Variants in PPP1R9A observed in about 807,000 individuals in gnomAD.
The protein encoded by PPP1R9A is neurabin-1.
Under a neutral mutation model 141.9 loss-of-function variants are expected in PPP1R9A, and 59 were observed. That is an observed-to-expected ratio of 0.42 (90% CI 0.34 to 0.52). The LOEUF is 0.52. Ranked by LOEUF, PPP1R9A falls within the 20% of genes least tolerant of loss-of-function variation. PPP1R9A has a pLI of 0.10. For synonymous variants in PPP1R9A, 500 were observed against 569.7 expected (o/e 0.88, Z 1.74); for missense variants, 1,444 against 1,611.9 (o/e 0.90, Z 1.78).
intron 2 of PPP1R9A, among the ~76,000 whole-genome samples, chr7:94,926,787 T>A (rs1793538515): frequency 6.6e-6 from 1 of 152,202 alleles, no homozygotes; most frequent in Non-Finnish European, 1.5e-5. Flanking sequence ...AGCTAAGTTA[T>A]AATTTTGTAA....
intron 2 of PPP1R9A, among the ~76,000 whole-genome samples, chr7:95,057,224 T>C (rs963971041): frequency 2.0e-5 from 3 of 152,044 alleles, no homozygotes; most frequent in African/African-American, 7.2e-5. Flanking sequence ...TCAAATACTG[T>C]ATCATTCAAC....
At chr7:95,123,513 G>A (rs1822999772) in intron 4 of PPP1R9A, among the ~76,000 whole-genome samples, 1 of 152,182 alleles carries the variant, frequency 6.6e-6, no homozygotes, top group Admixed American at 6.5e-5. Context: ...GCTGGGCGTG[G>A]TAGTGGGCGC....
At position 95,290,138 on chromosome 7, in the gene PPP1R9A, A is replaced by C; in HGVS notation, c.3960A>C (p.Lys1320Asn). The C allele has an allele frequency of 6.2e-7, 1 of 1,614,078 alleles. No individual in the cohort carries two copies. Residue 1320 changes from lysine to asparagine, a missense_variant, in exon 20 of 20, where the codon AAA (lysine) becomes AAC (asparagine). Transcript: ENST00000433360. ...ASQDRAVVKK[K>N]LKEMKMSLEK... ...AGGACCGAGCAGTGGTCAAAAAGAAACTCAAGGAAATGAAGATGTCTCTAG... is the reference window on the plus strand; with the variant it reads ...AGGACCGAGCAGTGGTCAAAAAGAACCTCAAGGAAATGAAGATGTCTCTAG...
intron 5 of PPP1R9A, among the ~76,000 whole-genome samples, chr7:95,175,781 C>T (rs935026061): frequency 2.6e-5 from 4 of 152,016 alleles, no homozygotes; most frequent in African/African-American, 9.7e-5. Context: ...CACTTTTATC[C>T]CTAGCATATG....
chr7:95,015,916 GGTGGT>G (rs1805039211), intron 2 of PPP1R9A, among the ~76,000 whole-genome samples: 1 of 152,064 alleles, frequency 6.6e-6, no homozygotes, highest in Non-Finnish European at 1.5e-5. Flanking sequence ...GGGCAGGCAT[GGTGGT>G]GTGTGCCTGT....
At chr7:95,087,262 T>A (rs1395293734) in intron 2 of PPP1R9A, among the ~76,000 whole-genome samples, 2 of 151,998 alleles carry the variant, frequency 1.3e-5, no homozygotes, top group Non-Finnish European at 2.9e-5. Context: ...CACTCAGATG[T>A]TTACTTTTAT....
intron 2 of PPP1R9A, among the ~76,000 whole-genome samples, chr7:95,096,431 A>G (rs1021930518): frequency 1.3e-5 from 2 of 152,158 alleles, no homozygotes; most frequent in African/African-American, 4.8e-5. Context: ...TGCACAAATG[A>G]CTGGCCCCCC....
intron 2 of PPP1R9A, among the ~76,000 whole-genome samples, chr7:94,942,803 CAATA>C (rs142643808): frequency 0.37 from 50,808 of 136,850 alleles, 9,658 homozygotes; most frequent in Middle Eastern, 0.41. Flanking sequence ...GACTGTCTCT[CAATA>C]AATAAATAAA....
At chr7:95,109,813 G>C (rs867134318) in intron 2 of PPP1R9A, among the ~76,000 whole-genome samples, 1 of 151,188 alleles carries the variant, frequency 6.6e-6, no homozygotes, top group Non-Finnish European at 1.5e-5. Flanking sequence ...CTCCAGCTTG[G>C]AGTGCAGAGC....
At chr7:95,197,568 A>G (rs11982933) in intron 5 of PPP1R9A, among the ~76,000 whole-genome samples, 13,131 of 152,200 alleles carry the variant, frequency 0.086, 1,424 homozygotes, top group African/African-American at 0.25. Context: ...TTAAAAACAA[A>G]AAACACTTAA....
In PPP1R9A at chr7:95,270,455, A is replaced by G. The variant is rs192362012; in HGVS notation, c.3124+948A>G. Reference sequence around the variant, plus strand: ...AATTGTGTCAATACCACATTTACAAATCATTTTTTTTCATATCTGAGGGAC... The same window carrying G: ...AATTGTGTCAATACCACATTTACAAGTCATTTTTTTTCATATCTGAGGGAC... On this transcript the variant is annotated intron_variant, in intron 14 of 19. Transcript: ENST00000433360. 2.0e-5 allele frequency among the ~76,000 whole-genome samples: 3 copies of G among 152,260 alleles called. No individual in the cohort carries two copies. The East Asian group carries it at 5.8e-4, about 29-fold the overall frequency.
At chr7:95,027,650 C>T (rs1026997725) in intron 2 of PPP1R9A, among the ~76,000 whole-genome samples, 2 of 152,134 alleles carry the variant, frequency 1.3e-5, no homozygotes, top group Non-Finnish European at 2.9e-5. Flanking sequence ...ACATCATGGA[C>T]TTTATTTAAA....
chr7:95,014,711 T>TA (rs553624093), intron 2 of PPP1R9A, among the ~76,000 whole-genome samples: 1 of 152,004 alleles, frequency 6.6e-6, no homozygotes, highest in Non-Finnish European at 1.5e-5. Context: ...ACTACTGCTT[T>TA]AAAAAAAGCA....
intron 2 of PPP1R9A, among the ~76,000 whole-genome samples, chr7:95,044,119 G>A (rs1809645418): frequency 6.6e-6 from 1 of 152,214 alleles, no homozygotes; most frequent in Non-Finnish European, 1.5e-5. Context: ...CAGGAAATGA[G>A]GCAGTTACAG....
intron 2 of PPP1R9A, among the ~76,000 whole-genome samples, chr7:94,916,895 A>C (rs1792141242): frequency 6.6e-6 from 1 of 150,922 alleles, no homozygotes; most frequent in Non-Finnish European, 1.5e-5. Flanking sequence ...GCTCACTGAA[A>C]CCTCCACCTC....
At chr7:95,218,344 A>G (rs1167195490) in intron 7 of PPP1R9A, among the ~76,000 whole-genome samples, 1 of 152,026 alleles carries the variant, frequency 6.6e-6, no homozygotes, top group Non-Finnish European at 1.5e-5. Context: ...AGTTTGTTAT[A>G]ATTTCTGTTC....
chr7:94,928,613 A>C (rs1404599712), intron 2 of PPP1R9A, among the ~76,000 whole-genome samples: 3 of 152,216 alleles, frequency 2.0e-5, no homozygotes, highest in Non-Finnish European at 4.4e-5. Flanking sequence ...CACCACCTAC[A>C]GTCATAGGCT....
chr7:95,031,931 C>G lies in PPP1R9A; in HGVS notation c.1396-79328C>G, dbSNP rs555166398. On this transcript the variant is annotated intron_variant, in intron 2 of 19. Transcript: ENST00000433360. ...CAGTCAGTCACTCAGCTAGTAAATG[C>G]CTGAGGCAAAACCTCGGATTTCTGT... is the stretch of plus-strand genomic sequence containing the variant. Among the ~76,000 whole-genome samples, 3 of 152,278 alleles carry G rather than the reference C, an allele frequency of 2.0e-5. No homozygotes were observed. The South Asian group carries it at 6.2e-4, about 32-fold the overall frequency.
chr7:95,204,001 G>C (rs1790155665), intron 7 of PPP1R9A, among the ~76,000 whole-genome samples: 1 of 152,058 alleles, frequency 6.6e-6, no homozygotes, highest in Non-Finnish European at 1.5e-5. Flanking sequence ...TAAATATCTT[G>C]TGATTCAAAT....
Sources: gnomAD v4.1 joint callset for allele counts (sites outside exome capture counted in the v4.1 genomes callset) on GRCh38, gnomAD v4.1.1 for gene constraint, MANE v1.5 for transcripts, NCBI Gene and HGNC (gene_info 2026-07-23, HGNC 2026-07-21) for gene names.